The following PARP14 variants were observed in gnomAD, a reference collection of about 807,000 sequenced individuals.
PARP14 encodes poly(ADP-ribose) polymerase family member 14.
PARP14 carries 59 observed loss-of-function variants against 154.2 expected under a neutral mutation model. The observed-to-expected ratio is 0.38, with a 90% CI of 0.31 to 0.48. The LOEUF (loss-of-function observed/expected upper bound fraction) is 0.48, where lower values mean the gene tolerates loss of function less well. PARP14 is among the 20% of genes least tolerant of loss of function. The pLI is 0.98. For missense variants in PARP14, 1,734 were observed against 2,131.6 expected (o/e 0.81, Z 3.67); for synonymous variants, 720 against 780.5 (o/e 0.92, Z 1.29).
intron 15 of PARP14, chr3:122,720,713 G>C (rs913149033): frequency 2.6e-5 from 12 of 460,744 alleles, no homozygotes; most frequent in Non-Finnish European, 5.1e-5. Context: ...AGAGAGCCAT[G>C]CAGAGGCTCC....
At chr3:122,719,897 A>G (rs1270820689) in intron 14 of PARP14, among the ~76,000 whole-genome samples, 1 of 152,224 alleles carries the variant, frequency 6.6e-6, no homozygotes, top group Non-Finnish European at 1.5e-5. Flanking sequence ...GTAGGGAAAT[A>G]ATTTATTGTG....
chr3:122,694,824 C>G (rs1185196272), intron 4 of PARP14, among the ~76,000 whole-genome samples: 1 of 151,992 alleles, frequency 6.6e-6, no homozygotes, highest in Non-Finnish European at 1.5e-5. Context: ...CCGGCCAATA[C>G]TTATTATTAA....
Position 122,728,688 on chromosome 3 carries a change from C to A in PARP14, c.*91C>A. 1.0e-6 allele frequency: 1 copy of A among 977,650 alleles called. No homozygotes were observed. The highest frequency in any genetic ancestry group is 1.5e-6 in the Non-Finnish European group (1 of 648,752). 60.6% of individuals were successfully genotyped at this position (977,650 alleles called of 1,614,324 possible). A position where few individuals can be genotyped will look rare whatever the true frequency, so the allele number is the denominator to read the frequency against. On this transcript the variant is annotated 3_prime_UTR_variant, in exon 17 of 17. Coordinates refer to ENST00000474629, the MANE Select transcript of PARP14 (RefSeq NM_017554.3). ...AGCTTTTTTTTTTAATTCCTCTTAA[C>A]AGATTTTTCTAATATCCAAGGATCA... is the stretch of plus-strand genomic sequence containing the variant.
rs1379437502 is a variant in PARP14 at position 122,701,037 on chromosome 3, A to G, written c.2483A>G (p.Lys828Arg). ...VVVNASNEDLKHYGGLAAALS... is the reference protein window; with the variant it reads ...VVVNASNEDLRHYGGLAAALS... Reference sequence around the variant, plus strand: ...GTGAATGCATCTAATGAGGACCTTAAGCATTATGGTGGCCTGGCCGCTGCG... The same window carrying G: ...GTGAATGCATCTAATGAGGACCTTAGGCATTATGGTGGCCTGGCCGCTGCG... The change falls in exon 6 of 17, where the codon AAG becomes AGG. Residue 828 changes from lysine (K) to arginine (R), a missense_variant. Around this residue, in one of 2 missense-constraint regions of PARP14, gnomAD observed 1,646 missense variants for 1,976.0 expected, o/e 0.83. Transcript: ENST00000474629. The surrounding 1 kb of genome is among the most constrained non-coding windows in gnomAD (Gnocchi z 4.0). The G allele has an allele frequency of 1.2e-6, 2 of 1,613,870 alleles. No homozygotes were observed. Among genetic ancestry groups the G allele is most frequent in the African/African-American group, 2.7e-5 (2 of 74,918 alleles).
intron 9 of PARP14, among the ~76,000 whole-genome samples, chr3:122,710,790 A>ATTTT (rs1266512532): frequency 3.9e-4 from 55 of 139,526 alleles, no homozygotes; most frequent in Middle Eastern, 3.6e-3. Flanking sequence ...ATTCCTAGGT[A>ATTTT]TTTTATTTAT....
Position 122,700,665 on chromosome 3 carries a change from T to C in PARP14, c.2111T>C (p.Val704Ala), listed in dbSNP as rs2107643915. The C allele has an allele frequency of 6.2e-7, 1 of 1,608,390 alleles. No individual in the cohort carries two copies. Reference protein sequence around the residue: ...WPKIKKVNVQVSFNPENKQKG... With the variant: ...WPKIKKVNVQASFNPENKQKG... ...AAGATAAAGAAGGTAAATGTGCAGG[T>C]AAGTTTCAATCCTGAGAACAAACAA... Residue 704 changes from valine (V) to alanine (A), a missense_variant, in exon 6 of 17, where the codon GTA (valine) becomes GCA (alanine). By Grantham distance (64) the Val-to-Ala change is moderately conservative. Coordinates refer to ENST00000474629, the MANE Select transcript of PARP14 (RefSeq NM_017554.3).
At chr3:122,717,951 A>G (rs2107653164) in intron 12 of PARP14, 120 bp from the exon 13 acceptor site, 3 of 731,738 alleles carry the variant, frequency 4.1e-6, no homozygotes, top group South Asian at 1.8e-5. Flanking sequence ...AAATTCCACA[A>G]TGATGAAAGA....
At chr3:122,704,497 A>C (rs1163785491) in intron 7 of PARP14, 30 bp from the exon 8 acceptor site, 1 of 1,348,360 alleles carries the variant, frequency 7.4e-7, no homozygotes, top group South Asian at 1.3e-5. Flanking sequence ...TCTAGACAAG[A>C]TGTATAAGGA....
intron 4 of PARP14, 77 bp downstream of exon 4, chr3:122,692,620 A>G: frequency 7.9e-7 from 1 of 1,263,476 alleles, no homozygotes; most frequent in South Asian, 1.7e-5. Context: ...TTAGGGGGAC[A>G]TCTCTGAAAG....
Position 122,718,641 on chromosome 3 carries a change from T to G in PARP14, c.4490T>G (p.Val1497Gly). The G allele has an allele frequency of 6.2e-7, 1 of 1,613,760 alleles. No individual in the cohort carries two copies. The highest frequency in any genetic ancestry group is 1.1e-5 in the South Asian group (1 of 91,062). The part of the protein sequence containing the change: ...SLDHKRPLIK[V>G]LGISRDVMQA... ...GACCATAAGAGACCTTTGATTAAGG[T>G]TTTGGGAATTAGCAGAGATGTGATG... Residue 1497 changes from valine to glycine, a missense_variant, in exon 14 of 17, where the codon GTT (valine) becomes GGT (glycine). By Grantham distance (109) the Val-to-Gly change is moderately radical (BLOSUM62 -3). Around this residue, in one of 2 missense-constraint regions of PARP14, gnomAD observed 1,646 missense variants for 1,976.0 expected, o/e 0.83. Transcript: ENST00000474629.
At position 122,713,942 on chromosome 3, in the gene PARP14, A is replaced by G. The variant is rs780481616; in HGVS notation, c.3832+8A>G. The G allele has an allele frequency of 2.5e-6, 4 of 1,609,302 alleles. No individual in the cohort carries two copies. The African/African-American group carries it at 4.0e-5, about 16-fold the overall frequency. On this transcript the variant is annotated splice_region_variant and intron_variant, in intron 11 of 16. Transcript: ENST00000474629. Reference sequence around the variant, plus strand: ...GGGAATGTTCTCAGCAAGGTAAGGCATATTCTATTTTTTGGTCCTAAGTTG... The same window carrying G: ...GGGAATGTTCTCAGCAAGGTAAGGCGTATTCTATTTTTTGGTCCTAAGTTG...
At chr3:122,704,770 A>T (rs955481528) in intron 8 of PARP14, 22 bp downstream of exon 8, 14 of 1,435,436 alleles carry the variant, frequency 9.8e-6, no homozygotes, top group African/African-American at 2.8e-5. Flanking sequence ...CTAATTTCTG[A>T]TTATTTTGGC....
intron 8 of PARP14, among the ~76,000 whole-genome samples, 181 bp from the exon 9 acceptor site, chr3:122,708,009 T>C (rs928976980): frequency 6.6e-6 from 1 of 152,226 alleles, no homozygotes; most frequent in African/African-American, 2.4e-5. Flanking sequence ...GACACATTTA[T>C]AGAAACAGAA....
Position 122,728,869 on chromosome 3 carries a change from C to A in PARP14, c.*272C>A. The A allele has an allele frequency of 2.6e-6, 1 of 382,188 alleles. No homozygotes were observed. The highest frequency in any genetic ancestry group is 4.9e-6 in the Non-Finnish European group (1 of 205,864). 23.7% of individuals were successfully genotyped at this position (382,188 alleles called of 1,614,324 possible). On this transcript the variant is annotated 3_prime_UTR_variant, in exon 17 of 17. Transcript: ENST00000474629. ...GGACATCAAATCTGTGGGAAAAGAA[C>A]AGGTTTGTATTTTCAGGAAGGAGAG...
At chr3:122,720,211 G>A (rs866547086) in intron 14 of PARP14, 44 bp from the exon 15 acceptor site, 1 of 1,588,414 alleles carries the variant, frequency 6.3e-7, no homozygotes, top group South Asian at 1.1e-5. Flanking sequence ...GTTCCAGAGT[G>A]TACCGGGGAT....
At position 122,700,896 on chromosome 3, in the gene PARP14, TGAAG is replaced by T; in HGVS notation, c.2345_2348del (p.Lys782ArgfsTer22). 2.5e-6 allele frequency: 4 copies of T among 1,613,982 alleles called. No individual in the cohort carries two copies. Among genetic ancestry groups the T allele is most frequent in the Non-Finnish European group, 3.4e-6 (4 of 1,179,868 alleles). On this transcript the variant is annotated frameshift_variant, in exon 6 of 17. Transcript: ENST00000474629. LOFTEE classifies it high-confidence loss of function. The stretch of plus-strand genomic sequence containing the variant: ...ATTGAACTACAGGAGAATGAAGTAA[TGAAG>T]GAGGGAGGCAGCCCCGCTGGGCAGA...
chr3:122,726,508 C>G (rs1933290018), intron 15 of PARP14, among the ~76,000 whole-genome samples: 1 of 152,146 alleles, frequency 6.6e-6, no homozygotes, highest in Non-Finnish European at 1.5e-5. Flanking sequence ...CTCTCTAGCT[C>G]TTCTAGTAGT....
rs745695997 is a variant in PARP14 at position 122,708,248 on chromosome 3, C to T, written c.3599C>T (p.Pro1200Leu). 39 of 1,567,016 alleles carry T rather than the reference C, an allele frequency of 2.5e-5. 1 individual carries two copies. In the South Asian group the frequency reaches 2.7e-4, roughly 11 times the overall value. ...GGAAATCTCGTCAGTGACAAAATTC[C>T]GAAGGCTAAAGATACACAAGGTTCA... ...ANGNLVSDKI[P>L]KAKDTQGFYG... The change falls in exon 9 of 17, where the codon CCG becomes CTG. Residue 1200 changes from proline to leucine, a missense_variant. Coordinates refer to ENST00000474629, the MANE Select transcript of PARP14 (RefSeq NM_017554.3).
At chr3:122,703,278 C>T (rs1430138320) in intron 6 of PARP14, among the ~76,000 whole-genome samples, 2 of 152,156 alleles carry the variant, frequency 1.3e-5, no homozygotes, top group South Asian at 2.1e-4. Context: ...TCTTGGCACT[C>T]GAGGTGGGCC....
Sources: allele counts gnomAD v4.1 joint callset (sites outside exome capture counted in the v4.1 genomes callset), GRCh38; gene constraint gnomAD v4.1.1; regional missense constraint gnomAD v4.1.1; non-coding constraint Gnocchi (gnomAD v3.1); transcripts MANE v1.5; gene names NCBI Gene and HGNC (gene_info 2026-07-23, HGNC 2026-07-21).